ZNF420: variants seen among roughly 807,000 people sequenced by gnomAD.
ZNF420 encodes the protein ATM and p53-associated KZNF protein.
ZNF420 carries 31 observed loss-of-function variants against 44.7 expected under a neutral mutation model. The ratio of observed to expected loss-of-function variants is 0.69; its 90% confidence interval spans 0.52 to 0.94. The LOEUF is 0.94. ZNF420 is among the 40% of genes least tolerant of loss of function. The probability of loss-of-function intolerance (pLI) is 0.00; values close to 1 mark genes in which losing one functional copy is unlikely to be tolerated. For missense variants in ZNF420, 681 were observed against 827.9 expected (o/e 0.82, Z 2.18); for synonymous variants, 245 against 267.4 (o/e 0.92, Z 0.82).
chr19:37,048,313 A>T (rs35540234), intron 1 of ZNF420, among the ~76,000 whole-genome samples: 5,919 of 152,320 alleles, frequency 0.039, 179 homozygotes, highest in Non-Finnish European at 0.055. Context: ...GCACAAATTA[A>T]TTGATGTGAC....
intron 1 of ZNF420, among the ~76,000 whole-genome samples, chr19:37,014,252 G>T (rs775749127): frequency 1.1e-4 from 17 of 152,094 alleles, no homozygotes; most frequent in Non-Finnish European, 1.9e-4. Flanking sequence ...AGACCAGGAC[G>T]GTGCCCTGGG....
At chr19:37,100,953 T>A (rs1969738354) in intron 4 of ZNF420, among the ~76,000 whole-genome samples, 1 of 152,034 alleles carries the variant, frequency 6.6e-6, no homozygotes, top group African/African-American at 2.4e-5. Context: ...ATGTTTATAG[T>A]TCTCATTGTA....
At chr19:37,016,394 G>A (rs991433986) in intron 1 of ZNF420, among the ~76,000 whole-genome samples, 1 of 152,206 alleles carries the variant, frequency 6.6e-6, no homozygotes, top group African/African-American at 2.4e-5. Context: ...GGTTTGGGGT[G>A]TTTTGCACTT....
rs182884595 is a variant in ZNF420 at position 37,126,425 on chromosome 19, A to T, written c.137-703A>T. On this transcript the variant is annotated intron_variant, in intron 4 of 4. Coordinates refer to ENST00000337995, the MANE Select transcript of ZNF420 (RefSeq NM_144689.5). ...GCTGAGAAGGCTCAACAGATACATAAGCAAGGAGAAGACCATGGAAGGGGA... is the reference window on the plus strand; with the variant it reads ...GCTGAGAAGGCTCAACAGATACATATGCAAGGAGAAGACCATGGAAGGGGA... Among the ~76,000 whole-genome samples the T allele has an allele frequency of 2.0e-3, 305 of 152,294 alleles. 7 individuals carry two copies. The highest frequency in any genetic ancestry group is 0.018 in the Admixed American group (275 of 15,306).
intron 4 of ZNF420, among the ~76,000 whole-genome samples, chr19:37,112,931 A>C (rs973198224): frequency 6.6e-6 from 1 of 151,888 alleles, no homozygotes; most frequent in African/African-American, 2.4e-5. Flanking sequence ...GGAAGCAGAG[A>C]GACTGCTTGT....
chr19:37,049,147 T>C (rs1032732440), intron 1 of ZNF420, among the ~76,000 whole-genome samples: 2 of 152,192 alleles, frequency 1.3e-5, no homozygotes, highest in African/African-American at 4.8e-5. Flanking sequence ...TCCAAATCTT[T>C]GCTATTGTGA....
At chr19:37,025,736 A>G (rs759860932) in intron 1 of ZNF420, among the ~76,000 whole-genome samples, 2 of 149,370 alleles carry the variant, frequency 1.3e-5, no homozygotes, top group Non-Finnish European at 3.0e-5. Flanking sequence ...TTACCAGGAT[A>G]CCACTTAATT....
intron 2 of ZNF420, among the ~76,000 whole-genome samples, chr19:37,083,668 C>T (rs545678777): frequency 6.6e-6 from 1 of 152,122 alleles, no homozygotes; most frequent in East Asian, 1.9e-4. Context: ...TTGACATGAC[C>T]CCAGTAGTCT....
chr19:37,059,950 G>A (rs1412666347), intron 1 of ZNF420, among the ~76,000 whole-genome samples: 5 of 151,906 alleles, frequency 3.3e-5, no homozygotes, highest in African/African-American at 4.8e-5. Context: ...TGTGTGTTGG[G>A]ACGTATATGC....
chr19:37,024,657 C>T (rs1967117984), intron 1 of ZNF420, among the ~76,000 whole-genome samples: 1 of 152,130 alleles, frequency 6.6e-6, no homozygotes. Flanking sequence ...ACTATGTTGG[C>T]TAGGCTGGTC....
chr19:37,116,589 AGTGCCAGACAGTGG>A (rs1371205756), intron 4 of ZNF420, among the ~76,000 whole-genome samples: 2 of 152,200 alleles, frequency 1.3e-5, no homozygotes, highest in East Asian at 3.9e-4. Flanking sequence ...CTCACTAGGG[AGTGCCAGACAGTGG>A]GTGCAGGACA....
chr19:37,084,524 T>G (rs566457607), intron 2 of ZNF420, among the ~76,000 whole-genome samples: 55 of 152,320 alleles, frequency 3.6e-4, no homozygotes, highest in South Asian at 2.1e-3. Flanking sequence ...GTTTTAGTAT[T>G]ATGGTTATTT....
At chr19:37,055,556 G>A (rs1007471734) in intron 1 of ZNF420, among the ~76,000 whole-genome samples, 1 of 152,170 alleles carries the variant, frequency 6.6e-6, no homozygotes, top group South Asian at 2.1e-4. Flanking sequence ...AGCCGAAACC[G>A]TTTAAAGGGG....
chr19:37,028,267 GTGA>G (rs1967189476), intron 1 of ZNF420, among the ~76,000 whole-genome samples: 1 of 152,192 alleles, frequency 6.6e-6, no homozygotes, highest in African/African-American at 2.4e-5. Flanking sequence ...AGAGCTTGCT[GTGA>G]TGATAGGAAG....
intron 2 of ZNF420, among the ~76,000 whole-genome samples, chr19:37,086,449 G>C (rs1442358534): frequency 6.6e-6 from 1 of 152,146 alleles, no homozygotes; most frequent in African/African-American, 2.4e-5. Flanking sequence ...CTTGGCTTTT[G>C]GTAAGTGGGT....
intron 1 of ZNF420, among the ~76,000 whole-genome samples, chr19:37,061,132 C>T (rs1007619084): frequency 6.6e-6 from 1 of 152,146 alleles, no homozygotes; most frequent in African/African-American, 2.4e-5. Flanking sequence ...TTGTTTGTTT[C>T]GCCATCGCCC....
chr19:37,026,579 A>C (rs1967164280), intron 1 of ZNF420, among the ~76,000 whole-genome samples: 1 of 152,140 alleles, frequency 6.6e-6, no homozygotes, highest in South Asian at 2.1e-4. Context: ...TCGGCCTCCC[A>C]AAGTGCTGGG....
chr19:37,103,046 T>C (rs1010379426), intron 4 of ZNF420, among the ~76,000 whole-genome samples: 5 of 152,164 alleles, frequency 3.3e-5, no homozygotes, highest in African/African-American at 1.2e-4. Flanking sequence ...TGCTCACTTC[T>C]TCTTGAGGTG....
intron 1 of ZNF420, among the ~76,000 whole-genome samples, chr19:37,023,590 T>C (rs1185956248): frequency 1.3e-5 from 2 of 152,176 alleles, no homozygotes; most frequent in African/African-American, 4.8e-5. Context: ...GGTCTCCAAC[T>C]ACTGACCTCA....
Sources: allele counts gnomAD v4.1 joint callset (sites outside exome capture counted in the v4.1 genomes callset), GRCh38; gene constraint gnomAD v4.1.1; transcripts MANE v1.5; gene names NCBI Gene and HGNC (gene_info 2026-07-23, HGNC 2026-07-21).